PRSS35: variants seen among roughly 807,000 people sequenced by gnomAD.
PRSS35 encodes the protein serine protease 35, also known as inactive serine protease 35.
A neutral mutation model predicts 8.1 loss-of-function variants in PRSS35; 7 were observed. The ratio of observed to expected loss-of-function variants is 0.86; its 90% CI spans 0.49 to 1.62. The LOEUF (loss-of-function observed/expected upper bound fraction) is 1.62, where lower values mean the gene tolerates loss of function less well. Among genes scored for constraint, PRSS35 ranks in the 40% most tolerant of loss-of-function variants. The probability of loss-of-function intolerance (pLI) is 0.00; values close to 1 mark genes in which losing one functional copy is unlikely to be tolerated. For synonymous variants in PRSS35, 199 were observed against 188.7 expected (o/e 1.05, Z -0.45); for missense variants, 566 against 518.0 (o/e 1.09, Z -0.90).
chr6:83,522,562 C>T (rs1206534152), intron 1 of PRSS35, among the ~76,000 whole-genome samples: 1 of 152,122 alleles, frequency 6.6e-6, no homozygotes, highest in East Asian at 1.9e-4. Context: ...CATGTCCCCC[C>T]CAAACAGCCT....
chr6:83,524,148 C>T lies in PRSS35; in HGVS notation c.707C>T (p.Ser236Phe), dbSNP rs145431726. 7 of 1,613,942 alleles carry T rather than the reference C, an allele frequency of 4.3e-6. No homozygotes were observed. Among genetic ancestry groups the T allele is most frequent in the Non-Finnish European group, 4.2e-6 (5 of 1,180,016 alleles). The part of the protein sequence containing the change: ...RAKGGRRRKK[S>F]GRGQRIAEGR... ...AAGGGTGGGAGAAGAAGAAAAAAAT[C>T]TGGCCGGGGTCAGAGGATTGCCGAA... The change falls in exon 2 of 2, where the codon TCT becomes TTT. Residue 236 changes from serine (S) to phenylalanine (F), a missense_variant. By Grantham distance (155) the Ser-to-Phe change is radical (BLOSUM62 -2). Transcript: ENST00000369700.
At chr6:83,516,575 CAA>C (rs70987760) in intron 1 of PRSS35, among the ~76,000 whole-genome samples, 1,298 of 101,858 alleles carry the variant, frequency 0.013, 2 homozygotes, top group Non-Finnish European at 0.014. Context: ...GACTGCGTCT[CAA>C]AAAAAAAAAA....
At chr6:83,515,942 G>T (rs1771704557) in intron 1 of PRSS35, among the ~76,000 whole-genome samples, 1 of 152,020 alleles carries the variant, frequency 6.6e-6, no homozygotes, top group Non-Finnish European at 1.5e-5. Flanking sequence ...AGCCTCCCCA[G>T]TAGCTGGGAT....
intron 1 of PRSS35, among the ~76,000 whole-genome samples, chr6:83,514,840 A>C (rs892349777): frequency 6.6e-6 from 1 of 152,182 alleles, no homozygotes; most frequent in African/African-American, 2.4e-5. Context: ...TCAGTTCATC[A>C]GGATGGGCTC....
Position 83,524,531 on chromosome 6 carries a change from C to G in PRSS35, c.1090C>G (p.Arg364Gly), listed in dbSNP as rs758536096. The G allele has an allele frequency of 6.2e-7, 1 of 1,614,102 alleles. No individual in the cohort carries two copies. The highest frequency in any genetic ancestry group is 8.5e-7 in the Non-Finnish European group (1 of 1,180,024). The change falls in exon 2 of 2, where the codon CGC (arginine) becomes GGC (glycine). Residue 364 changes from arginine (R) to glycine (G), a missense_variant. Coordinates refer to ENST00000369700, the MANE Select transcript of PRSS35 (RefSeq NM_153362.3). The part of the protein sequence containing the change: ...LKDPDKKNWK[R>G]KIIAVYSGHQ... The stretch of plus-strand genomic sequence containing the variant: ...AGATCCAGACAAAAAGAATTGGAAG[C>G]GCAAAATCATTGCGGTCTACTCAGG...
At chr6:83,516,592 A>G (rs565960170) in intron 1 of PRSS35, among the ~76,000 whole-genome samples, 5,368 of 151,644 alleles carry the variant, frequency 0.035, 121 homozygotes, top group Middle Eastern at 0.082. Flanking sequence ...AAAAAAAAAA[A>G]AAAGAAATCT....
chr6:83,521,549 G>A (rs1771822388), intron 1 of PRSS35, among the ~76,000 whole-genome samples: 1 of 126,136 alleles, frequency 7.9e-6, no homozygotes, highest in Non-Finnish European at 1.6e-5. Flanking sequence ...TCACTTTGTT[G>A]CCCAGGCTGG....
intron 1 of PRSS35, among the ~76,000 whole-genome samples, chr6:83,516,763 A>G (rs1771727342): frequency 6.6e-6 from 1 of 152,054 alleles, no homozygotes; most frequent in African/African-American, 2.4e-5. Flanking sequence ...TCCTCAGCTC[A>G]TGATCCTGCA....
At chr6:83,513,182 C>A (rs1252615734) in intron 1 of PRSS35, among the ~76,000 whole-genome samples, 1 of 151,070 alleles carries the variant, frequency 6.6e-6, no homozygotes, top group African/African-American at 2.4e-5. Context: ...AATACTCTAG[C>A]TGAAAAAAAA....
chr6:83,519,490 T>C (rs974936799), intron 1 of PRSS35, among the ~76,000 whole-genome samples: 2 of 149,042 alleles, frequency 1.3e-5, no homozygotes, highest in Non-Finnish European at 3.0e-5. Context: ...TGGGACTGTG[T>C]CTTTTTAGAT....
intron 1 of PRSS35, among the ~76,000 whole-genome samples, chr6:83,514,443 T>C (rs1352315389): frequency 1.3e-5 from 2 of 152,190 alleles, no homozygotes; most frequent in Non-Finnish European, 2.9e-5. Context: ...ACTGTGTAAC[T>C]TTACCATCTT....
intron 1 of PRSS35, among the ~76,000 whole-genome samples, chr6:83,513,219 G>A (rs755297581): frequency 2.6e-5 from 4 of 152,170 alleles, no homozygotes; most frequent in Non-Finnish European, 4.4e-5. Flanking sequence ...GATGGTGGAT[G>A]AAACATTGGC....
intron 1 of PRSS35, among the ~76,000 whole-genome samples, chr6:83,516,331 T>G (rs1771713023): frequency 5.9e-5 from 9 of 151,684 alleles, no homozygotes; most frequent in Admixed American, 5.9e-4. Flanking sequence ...TCCCAGCACT[T>G]TGGGAGGCCG....
Position 83,524,237 on chromosome 6 carries a change from G to A in PRSS35, c.796G>A (p.Gly266Arg). ...NTHIPKGWAR[G>R]GMGDATLDYD... ...CCACATTCCGAAGGGCTGGGCACGA[G>A]GAGGCATGGGGGACGCTACCTTGGA... The change falls in exon 2 of 2, where the codon GGA becomes AGA. Residue 266 changes from glycine (G) to arginine (R), a missense_variant. Coordinates refer to ENST00000369700, the MANE Select transcript of PRSS35 (RefSeq NM_153362.3). 2 of 1,614,150 alleles carry A rather than the reference G, an allele frequency of 1.2e-6. No individual in the cohort carries two copies. Among genetic ancestry groups the A allele is most frequent in the Non-Finnish European group, 1.7e-6 (2 of 1,180,034 alleles).
intron 1 of PRSS35, among the ~76,000 whole-genome samples, chr6:83,519,994 T>C (rs1454250475): frequency 6.6e-6 from 1 of 151,958 alleles, no homozygotes; most frequent in Non-Finnish European, 1.5e-5. Context: ...AGACATATGA[T>C]GCACATAGGA....
chr6:83,517,655 C>A (rs911058489), intron 1 of PRSS35, among the ~76,000 whole-genome samples: 1 of 152,160 alleles, frequency 6.6e-6, no homozygotes, highest in Non-Finnish European at 1.5e-5. Flanking sequence ...GTGTGTCAAT[C>A]CTGAGTAGGT....
At chr6:83,520,200 A>C (rs529124203) in intron 1 of PRSS35, among the ~76,000 whole-genome samples, 5 of 152,348 alleles carry the variant, frequency 3.3e-5, no homozygotes, top group Admixed American at 1.3e-4. Flanking sequence ...GTACACAGAG[A>C]TGAAGCAGAT....
Position 83,523,873 on chromosome 6 carries a change from C to T in PRSS35, c.432C>T (p.Phe144=). 6.2e-7 allele frequency: 1 copy of T among 1,614,200 alleles called. No homozygotes were observed. The highest frequency in any genetic ancestry group is 8.5e-7 in the Non-Finnish European group (1 of 1,180,040). ...AAAGGTTCTTAACCAATTTCCCTTT[C>T]AGCACAGCTGTGAAGCTTTCCACGG... ...LDKRFLTNFP[F]STAVKLSTGC... is the part of the protein sequence containing the mutation. The change falls in exon 2 of 2, where the codon TTC becomes TTT. Residue 144 remains phenylalanine, a synonymous_variant. Transcript: ENST00000369700.
chr6:83,520,309 T>C (rs1207943437), intron 1 of PRSS35, among the ~76,000 whole-genome samples: 2 of 152,188 alleles, frequency 1.3e-5, no homozygotes, highest in Admixed American at 1.3e-4. Flanking sequence ...GTAGTGGTTC[T>C]TAACCTTTAT....
Sources: allele counts gnomAD v4.1 joint callset (sites outside exome capture counted in the v4.1 genomes callset), GRCh38; gene constraint gnomAD v4.1.1; transcripts MANE v1.5; gene names NCBI Gene and HGNC (gene_info 2026-07-23, HGNC 2026-07-21).